The following KCNQ5 variants were observed in gnomAD, a reference collection of about 807,000 sequenced individuals.
KCNQ5 encodes the protein potassium voltage-gated channel subfamily Q member 5, also known as potassium voltage-gated channel subfamily KQT member 5.
A neutral mutation model predicts 98.2 loss-of-function variants in KCNQ5; 30 were observed. The ratio of observed to expected loss-of-function variants is 0.31; its 90% CI spans 0.23 to 0.41. The LOEUF is 0.41. Ranked by LOEUF, KCNQ5 falls within the 10% of genes least tolerant of loss-of-function variation. The pLI, the probability that KCNQ5 is intolerant of heterozygous loss-of-function variation, is 1.00. For missense variants in KCNQ5, 835 were observed against 1,182.5 expected (o/e 0.71, Z 4.31); for synonymous variants, 458 against 449.4 (o/e 1.02, Z -0.24).
intron 3 of KCNQ5, among the ~76,000 whole-genome samples, chr6:73,063,142 TAA>T (rs956576629): frequency 1.3e-5 from 2 of 152,230 alleles, no homozygotes; most frequent in Non-Finnish European, 2.9e-5. Context: ...AGTCTCCTTA[TAA>T]AAGATTCCTA....
rs1005993166 is a variant in KCNQ5 at position 72,971,546 on chromosome 6, C to T, written c.399-32362C>T. ...ATGCTGCTATAAAGACACATGCACA[C>T]GTATGTTTACTGCAGCACTATTCAC... On this transcript the variant is annotated intron_variant, in intron 1 of 13. Transcript: ENST00000370398. 3.9e-5 allele frequency among the ~76,000 whole-genome samples: 6 copies of T among 152,268 alleles called. No individual in the cohort carries two copies. The South Asian group carries it at 6.2e-4, about 16-fold the overall frequency.
At chr6:73,047,088 C>T (rs971244420) in intron 3 of KCNQ5, among the ~76,000 whole-genome samples, 2 of 152,158 alleles carry the variant, frequency 1.3e-5, no homozygotes, top group Non-Finnish European at 2.9e-5. Context: ...TATACATACC[C>T]AACTGGAAAA....
chr6:72,629,682 G>A (rs1029484344), intron 1 of KCNQ5, among the ~76,000 whole-genome samples: 1 of 152,220 alleles, frequency 6.6e-6, no homozygotes, highest in Non-Finnish European at 1.5e-5. Context: ...AGCAGAGCAT[G>A]TTTTATCCTA....
chr6:72,937,054 T>C (rs1161666012), intron 1 of KCNQ5, among the ~76,000 whole-genome samples: 1 of 152,202 alleles, frequency 6.6e-6, no homozygotes, highest in Non-Finnish European at 1.5e-5. Context: ...AGCTAACTTA[T>C]AAAAACAACT....
At chr6:72,845,729 G>A (rs945190281) in intron 1 of KCNQ5, among the ~76,000 whole-genome samples, 5 of 152,092 alleles carry the variant, frequency 3.3e-5, no homozygotes, top group African/African-American at 1.2e-4. Flanking sequence ...AAATAAATAA[G>A]CATATTAAAG....
chr6:72,654,017 C>A (rs1486006033), intron 1 of KCNQ5, among the ~76,000 whole-genome samples: 1 of 151,880 alleles, frequency 6.6e-6, no homozygotes, highest in Non-Finnish European at 1.5e-5. Flanking sequence ...ATAATGTAAG[C>A]ACATAATGAA....
intron 1 of KCNQ5, among the ~76,000 whole-genome samples, chr6:72,801,760 G>A (rs1038335026): frequency 2.6e-5 from 4 of 152,134 alleles, no homozygotes; most frequent in Non-Finnish European, 4.4e-5. Context: ...TGCAGTGGCT[G>A]GTACCGGTTG....
intron 1 of KCNQ5, among the ~76,000 whole-genome samples, chr6:72,884,116 A>G (rs1370053594): frequency 6.6e-6 from 1 of 152,220 alleles, no homozygotes; most frequent in Non-Finnish European, 1.5e-5. Context: ...TAAAAACCTG[A>G]TACATATCAA....
intron 1 of KCNQ5, among the ~76,000 whole-genome samples, chr6:72,788,528 T>C (rs1773872386): frequency 6.6e-6 from 1 of 152,246 alleles, no homozygotes; most frequent in South Asian, 2.1e-4. Flanking sequence ...CTGAATTGTT[T>C]ATAGTTAAAA....
At chr6:73,119,726 G>A (rs530720546) in intron 7 of KCNQ5, among the ~76,000 whole-genome samples, 1 of 152,222 alleles carries the variant, frequency 6.6e-6, no homozygotes, top group Admixed American at 6.5e-5. Context: ...ATTTTCATTA[G>A]TCCTTTGCTT....
At chr6:72,846,194 A>G (rs4618485) in intron 1 of KCNQ5, among the ~76,000 whole-genome samples, 51,739 of 151,978 alleles carry the variant, frequency 0.34, 9,162 homozygotes, top group South Asian at 0.43. Context: ...AAACTAAACA[A>G]ACACATCACA....
chr6:72,938,022 C>G (rs1766026621), intron 1 of KCNQ5, among the ~76,000 whole-genome samples: 1 of 152,144 alleles, frequency 6.6e-6, no homozygotes, highest in Non-Finnish European at 1.5e-5. Flanking sequence ...AAGTATCACC[C>G]TGCCCTGACC....
At chr6:72,848,909 A>G (rs542489443) in intron 1 of KCNQ5, among the ~76,000 whole-genome samples, 7 of 152,274 alleles carry the variant, frequency 4.6e-5, no homozygotes, top group Admixed American at 1.3e-4. Flanking sequence ...CCCCTCAGCC[A>G]TGCTAAACTG....
rs565712213 is a variant in KCNQ5, at chr6:72,917,311, AT to A, written c.399-86592del. Among the ~76,000 whole-genome samples the A allele has an allele frequency of 8.8e-4, 134 of 152,306 alleles. 1 individual carries two copies. Among genetic ancestry groups the A allele is most frequent in the African/African-American group, 2.9e-3 (121 of 41,566 alleles). On this transcript the variant is annotated intron_variant, in intron 1 of 13. Transcript: ENST00000370398. ...CCCTTTTCTGTTGTAAATTTGAAAT[AT>A]TTTTAAAAGTGTGAATGTAATAACA...
chr6:73,110,888 G>T (rs1775217460), intron 6 of KCNQ5, among the ~76,000 whole-genome samples: 1 of 152,118 alleles, frequency 6.6e-6, no homozygotes, highest in African/African-American at 2.4e-5. Context: ...TTAAAATCCA[G>T]CTCTGTCCCA....
At chr6:72,705,604 T>TGTC (rs1769037141) in intron 1 of KCNQ5, among the ~76,000 whole-genome samples, 1 of 151,770 alleles carries the variant, frequency 6.6e-6, no homozygotes, top group Admixed American at 6.6e-5. Flanking sequence ...TTTTTTTTGT[T>TGTC]GTTGTTGTTT....
chr6:72,869,403 G>C (rs1376694982), intron 1 of KCNQ5, among the ~76,000 whole-genome samples: 1 of 152,080 alleles, frequency 6.6e-6, no homozygotes, highest in Non-Finnish European at 1.5e-5. Flanking sequence ...GAAAATATTA[G>C]GTTAGCATTT....
intron 1 of KCNQ5, among the ~76,000 whole-genome samples, chr6:72,869,282 C>A (rs534490737): frequency 6.6e-6 from 1 of 152,220 alleles, no homozygotes; most frequent in East Asian, 1.9e-4. Flanking sequence ...GTTGTCAAAC[C>A]GGAATTCCTT....
At position 73,004,452 on chromosome 6, in the gene KCNQ5, G is replaced by C. The variant is rs1769729481; in HGVS notation, c.489+454G>C. ...ATGGCACCTCATAAGAAAATAGAAG[G>C]CTCCTTCATGCTCTTTTCAACCAAC... is the stretch of plus-strand genomic sequence containing the variant. On this transcript the variant is annotated intron_variant, in intron 2 of 13. Transcript: ENST00000370398. Among the ~76,000 whole-genome samples, 2 of 152,064 alleles carry C rather than the reference G, an allele frequency of 1.3e-5. 1 individual carries two copies. The highest frequency in any genetic ancestry group is 4.2e-4 in the South Asian group (2 of 4,814).
Sources: gnomAD v4.1 joint callset for allele counts (sites outside exome capture counted in the v4.1 genomes callset) on GRCh38, gnomAD v4.1.1 for gene constraint, MANE v1.5 for transcripts, NCBI Gene and HGNC (gene_info 2026-07-23, HGNC 2026-07-21) for gene names.